Variants in TTN observed in about 807,000 individuals in gnomAD.
The protein encoded by TTN is connectin.
In TTN, 1,525 loss-of-function variants were observed where a neutral mutation model predicts 3,223.0. That is an observed-to-expected ratio of 0.47 (90% CI 0.45 to 0.49). The LOEUF (loss-of-function observed/expected upper bound fraction) is 0.49, where lower values mean the gene tolerates loss of function less well. TTN is among the 20% of genes least tolerant of loss of function. The pLI is 0.00. For missense variants in TTN, 40,786 were observed against 43,424.0 expected, an observed-to-expected ratio of 0.94 and a Z score of 5.40; for synonymous variants, 14,094 against 15,161.0, an observed-to-expected ratio of 0.93 and a Z score of 5.17.
Position 178,530,763 on chromosome 2 carries a change from G to C in TTN, c.105852C>G (p.Ala35284=), listed in dbSNP as rs776786546. ...TCAGGAACTGAGTAATCTTTGGTGGGGCAGAGACTGGGAGGTGCTGAACTT... is the reference window on the plus strand; with the variant it reads ...TCAGGAACTGAGTAATCTTTGGTGGCGCAGAGACTGGGAGGTGCTGAACTT... ...TEKVQHLPVS[A]PPKITQFLKA... is the part of the protein sequence containing the mutation. The change falls in exon 358 of 363, where the codon GCC becomes GCG. Residue 35284 remains alanine, a synonymous_variant. Coordinates refer to ENST00000589042, the MANE Select transcript of TTN (RefSeq NM_001267550.2). The C allele has an allele frequency of 9.9e-6, 16 of 1,613,646 alleles. 1 individual carries two copies. The Admixed American group carries it at 2.7e-4, about 27-fold the overall frequency.
intron 109 of TTN, 67 bp downstream of exon 109, chr2:178,701,973 T>G: frequency 6.7e-7 from 1 of 1,494,034 alleles, no homozygotes; most frequent in Non-Finnish European, 9.2e-7. Flanking sequence ...TTAGTTTGGC[T>G]TCTGTGATTT....
intron 359 of TTN, 125 bp downstream of exon 359, chr2:178,529,835 C>T: frequency 9.3e-7 from 1 of 1,072,292 alleles, no homozygotes; most frequent in East Asian, 2.8e-5. Flanking sequence ...AAATTGTATT[C>T]TGGAATTAGG....
rs1247947470 is a variant in TTN, at chr2:178,735,988, C to T, written c.14458G>A (p.Gly4820Arg). The T allele has an allele frequency of 2.5e-6, 4 of 1,613,796 alleles. No individual in the cohort carries two copies. Among genetic ancestry groups the T allele is most frequent in the Non-Finnish European group, 3.4e-6 (4 of 1,179,760 alleles). The change falls in exon 50 of 363, where the codon GGG (glycine) becomes AGG (arginine). Residue 4820 changes from glycine (G) to arginine (R), a missense_variant. By Grantham distance (125) the Gly-to-Arg change is moderately radical. Coordinates refer to ENST00000589042, the MANE Select transcript of TTN (RefSeq NM_001267550.2). ...CAAATGGTTTCTATCACAGGAGTCCCTGTCACTGTGCAGATGAACTTGGCT... is the reference window on the plus strand; with the variant it reads ...CAAATGGTTTCTATCACAGGAGTCCTTGTCACTGTGCAGATGAACTTGGCT... ...KAAKFICTVT[G>R]TPVIETIWQK...
Position 178,652,496 on chromosome 2 carries a change from G to C in TTN, c.39089C>G (p.Ala13030Gly). Residue 13030 changes from alanine (A) to glycine (G), a missense_variant, in exon 202 of 363, where the codon GCG becomes GGG. Coordinates refer to ENST00000589042, the MANE Select transcript of TTN (RefSeq NM_001267550.2). ...KEVVPEKKVP[A>G]APPKKPEVTP... ...GACTTCAGGCTTTTTAGGAGGAGCC[G>C]CTGGCACTTTCTTTTCAGGAACAAC... The C allele has an allele frequency of 6.2e-7, 1 of 1,611,642 alleles. No homozygotes were observed. Among genetic ancestry groups the C allele is most frequent in the South Asian group, 1.1e-5 (1 of 90,954 alleles).
chr2:178,709,925 A>G, intron 98 of TTN, 69 bp from the exon 99 acceptor site: 2 of 1,454,706 alleles, frequency 1.4e-6, no homozygotes, highest in Non-Finnish European at 9.2e-7. Context: ...GCTTTTCAAG[A>G]AAAAAAACCC....
chr2:178,778,690 A>C (rs2092476967), intron 24 of TTN, 184 bp downstream of exon 24: 2 of 770,478 alleles, frequency 2.6e-6, no homozygotes, highest in Admixed American at 4.6e-5. Flanking sequence ...ACTGATGAAA[A>C]TTCTTTGCTC....
rs760685604 is a variant in TTN, at chr2:178,652,661, G to T, written c.39035C>A (p.Pro13012His). Residue 13012 changes from proline to histidine, a missense_variant, in exon 201 of 363, where the codon CCT (proline) becomes CAT (histidine). Coordinates refer to ENST00000589042, the MANE Select transcript of TTN (RefSeq NM_001267550.2). ...SAPPKKPEVP[P>H]VKVPEAPKEV... is the part of the protein sequence containing the mutation. ...AACTCAATGACAAATACCTTTAACA[G>T]GTGGGACTTCAGGCTTTTTAGGAGG... The T allele has an allele frequency of 1.2e-6, 2 of 1,613,418 alleles. No homozygotes were observed. The highest frequency in any genetic ancestry group is 1.3e-5 in the African/African-American group (1 of 74,990).
At chr2:178,681,549 C>T in intron 136 of TTN, 99 bp from the exon 137 acceptor site, 2 of 1,447,252 alleles carry the variant, frequency 1.4e-6, no homozygotes, top group Non-Finnish European at 1.9e-6. Flanking sequence ...ACATAATATT[C>T]CCAAACACAC....
At chr2:178,767,671 G>GA in intron 40 of TTN, 88 bp downstream of exon 40, 1 of 1,565,944 alleles carries the variant, frequency 6.4e-7, no homozygotes, top group Non-Finnish European at 8.7e-7. Context: ...ATGGTGGTTA[G>GA]AAAATGTAAA....
chr2:178,649,206 A>C, intron 213 of TTN, 42 bp downstream of exon 213: 1 of 1,379,744 alleles, frequency 7.2e-7, no homozygotes, highest in African/African-American at 1.5e-5. Flanking sequence ...AACATGCTTA[A>C]ATAGCAGTTA....
At position 178,618,381 on chromosome 2, in the gene TTN, C is replaced by A; in HGVS notation, c.47077G>T (p.Val15693Phe). 6.2e-7 allele frequency: 1 copy of A among 1,612,464 alleles called. No homozygotes were observed. The highest frequency in any genetic ancestry group is 8.5e-7 in the Non-Finnish European group (1 of 1,179,074). ...TDGGSKIIGY[V>F]VERRDIKRKT... ...CTCTTAATGTCACGTCTTTCAACAA[C>A]GTAACCTATGATTTTGCTTCCACCA... Residue 15693 changes from valine (V) to phenylalanine (F), a missense_variant, in exon 252 of 363, where the codon GTT becomes TTT. Coordinates refer to ENST00000589042, the MANE Select transcript of TTN (RefSeq NM_001267550.2).
At chr2:178,726,118 T>A in intron 69 of TTN, 72 bp from the exon 70 acceptor site, 1 of 1,469,598 alleles carries the variant, frequency 6.8e-7, no homozygotes, top group Non-Finnish European at 9.0e-7. Flanking sequence ...TATTTGTCTT[T>A]AAATTGGAAG....
At position 178,774,231 on chromosome 2, in the gene TTN, T is replaced by C; in HGVS notation, c.7033A>G (p.Thr2345Ala). Residue 2345 changes from threonine to alanine, a missense_variant, in exon 30 of 363, where the codon ACA (threonine) becomes GCA (alanine). Physicochemically the swap from Thr to Ala is moderately conservative, Grantham distance 58 (BLOSUM62 0). Coordinates refer to ENST00000589042, the MANE Select transcript of TTN (RefSeq NM_001267550.2). Reference sequence around the variant, plus strand: ...CGTTTCATCTTTAATTTACAGGTTGTCTTTTTCCCGTCGATGACAAAGCTG... The same window carrying C: ...CGTTTCATCTTTAATTTACAGGTTGCCTTTTTCCCGTCGATGACAAAGCTG... ...EYSFVIDGKK[T>A]TCKLKMKPRP... is the part of the protein sequence containing the mutation. 9 of 1,614,108 alleles carry C rather than the reference T, an allele frequency of 5.6e-6. No individual in the cohort carries two copies. The highest frequency in any genetic ancestry group is 7.6e-6 in the Non-Finnish European group (9 of 1,179,992).
Position 178,770,519 on chromosome 2 carries a change from T to G in TTN, c.8273A>C (p.Lys2758Thr). 6.2e-7 allele frequency: 1 copy of G among 1,614,140 alleles called. No homozygotes were observed. Among genetic ancestry groups the G allele is most frequent in the Admixed American group, 1.7e-5 (1 of 60,018 alleles). Residue 2758 changes from lysine to threonine, a missense_variant, in exon 35 of 363, where the codon AAA (lysine) becomes ACA (threonine). Coordinates refer to ENST00000589042, the MANE Select transcript of TTN (RefSeq NM_001267550.2). ...AATCCTCAGAGAGTAAATTGTTCCT[T>G]TGACAGAGATAGCATACTTTTCATT... is the stretch of plus-strand genomic sequence containing the variant. The part of the protein sequence containing the change: ...ESNEKYAISV[K>T]GTIYSLRIKN...
chr2:178,798,223 C>G (rs937497204), intron 6 of TTN, among the ~76,000 whole-genome samples: 1 of 152,062 alleles, frequency 6.6e-6, no homozygotes, highest in Non-Finnish European at 1.5e-5. Flanking sequence ...AAAAAATTTT[C>G]TTGGCAGGGA....
At chr2:178,794,342 T>A in intron 8 of TTN, 57 bp downstream of exon 8, 2 of 1,610,600 alleles carry the variant, frequency 1.2e-6, no homozygotes, top group South Asian at 2.2e-5. Context: ...GGTGGTTGAG[T>A]TAATGTGCAC....
Position 178,692,098 on chromosome 2 carries a change from A to T in TTN, c.31680T>A (p.Val10560=). The T allele has an allele frequency of 6.2e-7, 1 of 1,611,772 alleles. No individual in the cohort carries two copies. Among genetic ancestry groups the T allele is most frequent in the East Asian group, 2.2e-5 (1 of 44,848 alleles). ...GCACGGGTTTCTTGGGAACCTCAGG[A>T]ACTTTAAAGATACAATTGTTGAAAT... ...PKKVEPPAPK[V]PEVPKKPVPE... Residue 10560 remains valine (V), a splice_region_variant and synonymous_variant, in exon 121 of 363, where the codon GTT becomes GTA. Transcript: ENST00000589042.
chr2:178,742,840 C>G (rs1260230172), intron 47 of TTN: 1 of 152,060 alleles, frequency 6.6e-6, no homozygotes, highest in African/African-American at 2.4e-5. Flanking sequence ...TCACTTGCAT[C>G]ACATGAAATA....
chr2:178,597,739 A>G lies in TTN; in HGVS notation c.57343T>C (p.Tyr19115His). ...HAGGVIRIIA[Y>H]VSGKPPPTVT... ...GTTGGAGGAGGCTTTCCAGACACAT[A>G]GGCAATGATTCGGATCACCCCTCCA... The change falls in exon 294 of 363, where the codon TAT becomes CAT. Residue 19115 changes from tyrosine (Y) to histidine (H), a missense_variant. By Grantham distance (83) the Tyr-to-His change is moderately conservative. Transcript: ENST00000589042. The G allele has an allele frequency of 3.1e-6, 5 of 1,613,304 alleles. No homozygotes were observed. Among genetic ancestry groups the G allele is most frequent in the Non-Finnish European group, 4.2e-6 (5 of 1,179,568 alleles).
Sources: gnomAD v4.1 joint callset for allele counts (sites outside exome capture counted in the v4.1 genomes callset) on GRCh38, gnomAD v4.1.1 for gene constraint, MANE v1.5 for transcripts, NCBI Gene and HGNC (gene_info 2026-07-23, HGNC 2026-07-21) for gene names.